RYR3: variants seen among roughly 807,000 people sequenced by gnomAD.
RYR3 encodes brain ryanodine receptor-calcium release channel.
In RYR3, 207 loss-of-function variants were observed where a neutral mutation model predicts 584.3. The observed-to-expected ratio is 0.35, with a 90% CI of 0.32 to 0.40. RYR3 has a LOEUF of 0.40. RYR3 is among the 10% of genes least tolerant of loss of function. RYR3 has a pLI of 1.00. For synonymous variants in RYR3, 2,416 were observed against 2,248.5 expected, an observed-to-expected ratio of 1.07 and a Z score of -2.11; for missense variants, 5,616 against 6,089.2, an observed-to-expected ratio of 0.92 and a Z score of 2.59.
intron 43 of RYR3, among the ~76,000 whole-genome samples, chr15:33,716,541 G>A (rs58250463): frequency 6.6e-6 from 1 of 152,238 alleles, no homozygotes; most frequent in African/African-American, 2.4e-5. Context: ...CCAGAAATAA[G>A]CAGACAGTCA....
Position 33,652,789 on chromosome 15 carries a change from G to A in RYR3, c.4214G>A (p.Ser1405Asn), listed in dbSNP as rs764591464. The A allele has an allele frequency of 1.2e-6, 2 of 1,613,932 alleles. No homozygotes were observed. The highest frequency in any genetic ancestry group is 1.7e-6 in the Non-Finnish European group (2 of 1,179,874). ...GCCAGTTCCCAGAGATCAAATCGGA[G>A]CAACGTGGACCTGGAGATCGGCTGT... ...IVASSQRSNR[S>N]NVDLEIGCLV... The change falls in exon 32 of 104, where the codon AGC becomes AAC. Residue 1405 changes from serine (S) to asparagine (N), a missense_variant. Ser to Asn is a conservative substitution (Grantham distance 46). Around this residue, in one of 9 missense-constraint regions of RYR3, gnomAD observed 753 missense variants for 741.0 expected, o/e 1.02. Transcript: ENST00000634891.
At chr15:33,629,906 C>G (rs1473770094) in intron 21 of RYR3, 34 bp from the exon 22 acceptor site, 2 of 1,315,224 alleles carry the variant, frequency 1.5e-6, no homozygotes, top group Admixed American at 2.0e-5. Flanking sequence ...CTGGTCAAAA[C>G]TTAAATCACA....
At chr15:33,362,307 T>C (rs1385521412) in intron 1 of RYR3, among the ~76,000 whole-genome samples, 1 of 152,080 alleles carries the variant, frequency 6.6e-6, no homozygotes, top group Non-Finnish European at 1.5e-5. Flanking sequence ...CTCTACATCA[T>C]AGGGTTGTGG....
In RYR3 at chr15:33,517,142, G is replaced by A. The variant is rs140999330; in HGVS notation, c.279+13404G>A. 2.2e-3 allele frequency among the ~76,000 whole-genome samples: 330 copies of A among 152,206 alleles called. 1 individual carries two copies. Among genetic ancestry groups the A allele is most frequent in the South Asian group, 0.015 (71 of 4,820 alleles). ...CCCAACCAGCTGGGATTACAGGCGC[G>A]TGCCACCACATCCAGCTAATTTTTG... On this transcript the variant is annotated intron_variant, in intron 3 of 103. Coordinates refer to ENST00000634891, the MANE Select transcript of RYR3 (RefSeq NM_001036.6).
At chr15:33,452,989 C>G (rs2047250923) in intron 1 of RYR3, among the ~76,000 whole-genome samples, 1 of 152,184 alleles carries the variant, frequency 6.6e-6, no homozygotes, top group Non-Finnish European at 1.5e-5. Context: ...CCAACATTTG[C>G]CAGAAGCCTC....
intron 1 of RYR3, among the ~76,000 whole-genome samples, chr15:33,334,443 A>G (rs1198042023): frequency 6.6e-6 from 1 of 152,168 alleles, no homozygotes; most frequent in Non-Finnish European, 1.5e-5. Flanking sequence ...GGGATTCCCT[A>G]TTCAATAAAT....
chr15:33,473,224 T>G, intron 1 of RYR3, 195 bp from the exon 2 acceptor site: 2 of 732,642 alleles, frequency 2.7e-6, no homozygotes, highest in Admixed American at 1.8e-5. Flanking sequence ...TTAAGTAGAG[T>G]TCTGACTCAC....
chr15:33,771,685 A>G (rs62012653), intron 62 of RYR3, among the ~76,000 whole-genome samples: 24,314 of 152,162 alleles, frequency 0.16, 2,381 homozygotes, highest in South Asian at 0.25. Context: ...TGTTCTCTGC[A>G]TTTCCTGAAG....
intron 28 of RYR3, among the ~76,000 whole-genome samples, chr15:33,645,357 G>A (rs957520785): frequency 6.6e-6 from 1 of 152,110 alleles, no homozygotes; most frequent in African/African-American, 2.4e-5. Flanking sequence ...AGACAAATCA[G>A]CCCCATTGCA....
At chr15:33,426,823 T>A (rs550504612) in intron 1 of RYR3, among the ~76,000 whole-genome samples, 1 of 152,244 alleles carries the variant, frequency 6.6e-6, no homozygotes, top group African/African-American at 2.4e-5. Flanking sequence ...AAGTGTGGGA[T>A]TGTGGTACCA....
rs114291715 is a variant in RYR3, at chr15:33,753,386, A to G, written c.8400-1679A>G. On this transcript the variant is annotated intron_variant, in intron 57 of 103. Coordinates refer to ENST00000634891, the MANE Select transcript of RYR3 (RefSeq NM_001036.6). ...GATGTCCTAAGATGTTTTATCTCAA[A>G]CTTACATAAGTCAAAATCATCTAGG... 3.6e-3 allele frequency among the ~76,000 whole-genome samples: 548 copies of G among 152,316 alleles called. 7 individuals carry two copies. Among genetic ancestry groups the G allele is most frequent in the African/African-American group, 0.012 (505 of 41,570 alleles).
chr15:33,473,736 T>C (rs1170143678), intron 2 of RYR3, among the ~76,000 whole-genome samples, 198 bp downstream of exon 2: 2 of 152,198 alleles, frequency 1.3e-5, no homozygotes, highest in Non-Finnish European at 2.9e-5. Flanking sequence ...CAGAGCACTA[T>C]GAAGAATTAG....
rs549874160 is a variant in RYR3, at chr15:33,578,567, TG to T, written c.1269-1407del. Among the ~76,000 whole-genome samples, 58 of 151,350 alleles carry T rather than the reference TG, an allele frequency of 3.8e-4. 1 individual carries two copies. In the South Asian group the frequency reaches 0.012, roughly 31 times the overall value. ...GTGGGACCTGAACAATGAGAACACA[TG>T]GACACAGGGAGGGGAACAACACACA... On this transcript the variant is annotated intron_variant, in intron 12 of 103. Transcript: ENST00000634891.
In RYR3 at chr15:33,395,918, C is replaced by T. The variant is rs1350806255; in HGVS notation, c.52-77501C>T. 3.3e-5 allele frequency among the ~76,000 whole-genome samples: 5 copies of T among 152,170 alleles called. No homozygotes were observed. In the South Asian group the frequency reaches 6.2e-4, roughly 19 times the overall value. ...GCATAGTTGACCCTCAGTATCCATGCGTTCTGCCTCTGCAGATTCAACCAA... is the reference window on the plus strand; with the variant it reads ...GCATAGTTGACCCTCAGTATCCATGTGTTCTGCCTCTGCAGATTCAACCAA... On this transcript the variant is annotated intron_variant, in intron 1 of 103. Transcript: ENST00000634891.
At chr15:33,646,261 C>A in intron 28 of RYR3, 90 bp from the exon 29 acceptor site, 1 of 1,145,516 alleles carries the variant, frequency 8.7e-7, no homozygotes, top group Non-Finnish European at 1.2e-6. Flanking sequence ...CACAGAATGC[C>A]TTGCCATGTG....
chr15:33,746,575 G>A (rs536787942), intron 53 of RYR3, among the ~76,000 whole-genome samples: 1 of 152,064 alleles, frequency 6.6e-6, no homozygotes, highest in East Asian at 2.0e-4. Context: ...AAGGTGGGAG[G>A]ATTGCTTGAG....
rs1357880183 is a variant in RYR3 at position 33,662,905 on chromosome 15, A to G, written c.5375A>G (p.Lys1792Arg). ...AAGGCCGGCAAGGAGGCTCCTGTCAAAGGCTTGTTGCAGACTCGATTACCC... is the reference window on the plus strand; with the variant it reads ...AAGGCCGGCAAGGAGGCTCCTGTCAGAGGCTTGTTGCAGACTCGATTACCC... ...GEKAGKEAPVKGLLQTRLPES... is the reference protein window; with the variant it reads ...GEKAGKEAPVRGLLQTRLPES... Residue 1792 changes from lysine to arginine, a missense_variant, in exon 35 of 104, where the codon AAA (lysine) becomes AGA (arginine). Physicochemically the swap from Lys to Arg is conservative, Grantham distance 26. Coordinates refer to ENST00000634891, the MANE Select transcript of RYR3 (RefSeq NM_001036.6). 5.0e-6 allele frequency: 8 copies of G among 1,613,226 alleles called. No homozygotes were observed. The South Asian group carries it at 8.8e-5, about 18-fold the overall frequency.
At chr15:33,751,053 A>G (rs1426311150) in intron 57 of RYR3, among the ~76,000 whole-genome samples, 2 of 152,214 alleles carry the variant, frequency 1.3e-5, no homozygotes, top group Non-Finnish European at 2.9e-5. Context: ...GTCCCTGCAA[A>G]GGACATGAAC....
chr15:33,829,927 C>G (rs1191526597), intron 85 of RYR3, among the ~76,000 whole-genome samples: 1 of 151,980 alleles, frequency 6.6e-6, no homozygotes, highest in Non-Finnish European at 1.5e-5. Flanking sequence ...AGTAGTGGAG[C>G]CTGAAGAACA....
Sources: gnomAD v4.1 joint callset for allele counts (sites outside exome capture counted in the v4.1 genomes callset) on GRCh38, gnomAD v4.1.1 for gene constraint, gnomAD v4.1.1 regional missense constraint, MANE v1.5 for transcripts, NCBI Gene and HGNC (gene_info 2026-07-23, HGNC 2026-07-21) for gene names.